Variants in NEXMIF observed in about 807,000 individuals in gnomAD.
The protein encoded by NEXMIF is neurite extension and migration factor.
Under a neutral mutation model 62.1 loss-of-function variants are expected in NEXMIF, and 8 were observed. The observed-to-expected ratio is 0.13, with a 90% CI of 0.08 to 0.23. NEXMIF has a LOEUF of 0.23. Among genes scored for constraint, NEXMIF ranks in the 10% least tolerant of loss-of-function variants. The probability of loss-of-function intolerance (pLI) is 1.00; values close to 1 mark genes in which losing one functional copy is unlikely to be tolerated. For synonymous variants in NEXMIF, 404 were observed against 416.6 expected (o/e 0.97, Z 0.37); for missense variants, 976 against 1,113.3 (o/e 0.88, Z 1.75).
At chrX:74,824,176 ATATTAT>A (rs957535566) in intron 1 of NEXMIF, among the ~76,000 whole-genome samples, 2 of 111,351 alleles carry the variant, frequency 1.8e-5, no homozygotes, top group African/African-American at 6.5e-5. Flanking sequence ...AATGCACAGT[ATATTAT>A]TATTAACTAT....
intron 1 of NEXMIF, among the ~76,000 whole-genome samples, chrX:74,870,146 T>C (rs2080595191): frequency 9.0e-6 from 1 of 111,253 alleles, no homozygotes; most frequent in African/African-American, 3.3e-5. Flanking sequence ...TGGAACAGAA[T>C]AGAGAACCTC....
intron 1 of NEXMIF, among the ~76,000 whole-genome samples, chrX:74,873,712 T>C (rs2080614565): frequency 8.9e-6 from 1 of 112,325 alleles, no homozygotes; most frequent in African/African-American, 3.2e-5. Context: ...GATCTCATTG[T>C]GGTTTTGATT....
At chrX:74,873,131 C>A (rs1031614859) in intron 1 of NEXMIF, among the ~76,000 whole-genome samples, 52 of 110,175 alleles carry the variant, frequency 4.7e-4, no homozygotes, top group African/African-American at 1.7e-3. Context: ...CCAATGCTAT[C>A]CCTCCCCCAT....
intron 1 of NEXMIF, among the ~76,000 whole-genome samples, chrX:74,751,482 G>C (rs1303017570): frequency 1.9e-5 from 2 of 107,577 alleles, no homozygotes; most frequent in Non-Finnish European, 3.9e-5. Flanking sequence ...TCTTCTCTCT[G>C]TCTCTCTCTC....
At chrX:74,922,312 T>C (rs1025640547) in intron 1 of NEXMIF, among the ~76,000 whole-genome samples, 2 of 101,187 alleles carry the variant, frequency 2.0e-5, no homozygotes, top group African/African-American at 7.4e-5. Context: ...CTGCAGTTGT[T>C]TGACTTTGGC....
chrX:74,905,801 C>T (rs2080766031), intron 1 of NEXMIF, among the ~76,000 whole-genome samples: 1 of 111,004 alleles, frequency 9.0e-6, no homozygotes, highest in Non-Finnish European at 1.9e-5. Context: ...CAGAGCGAGA[C>T]TCCATCTGTC....
intron 1 of NEXMIF, among the ~76,000 whole-genome samples, chrX:74,835,052 ATTCT>A (rs1220559482): frequency 3.6e-5 from 4 of 111,678 alleles, no homozygotes; most frequent in Admixed American, 9.5e-5. Context: ...AAGCTCACTA[ATTCT>A]TTCTTGTGCT....
chrX:74,794,379 A>T (rs2147466719), intron 1 of NEXMIF, among the ~76,000 whole-genome samples: 1 of 106,708 alleles, frequency 9.4e-6, no homozygotes, highest in African/African-American at 3.4e-5. Flanking sequence ...CTCTCTTCAA[A>T]GCTGTCAGAC....
chrX:74,877,262 G>T (rs918982423), intron 1 of NEXMIF, among the ~76,000 whole-genome samples: 1 of 110,821 alleles, frequency 9.0e-6, no homozygotes, highest in African/African-American at 3.3e-5. Flanking sequence ...GCTTAGTTTG[G>T]CTGGATATGA....
Position 74,786,459 on chromosome X carries a change from GGAA to G in NEXMIF, c.-47-40765_-47-40763del, listed in dbSNP as rs746403364. On this transcript the variant is annotated intron_variant, in intron 1 of 3. Transcript: ENST00000055682. The stretch of plus-strand genomic sequence containing the variant: ...ATGGAAGGGAATATCTAAAGAGAAA[GGAA>G]GAAGAGGCAGATCAATTACCTACAG... Among the ~76,000 whole-genome samples the G allele has an allele frequency of 1.0e-3, 116 of 111,323 alleles. 1 individual carries two copies. The highest frequency in any genetic ancestry group is 3.7e-3 in the African/African-American group (112 of 30,629).
At chrX:74,807,070 T>A (rs1332240151) in intron 1 of NEXMIF, among the ~76,000 whole-genome samples, 2 of 112,605 alleles carry the variant, frequency 1.8e-5, no homozygotes, top group Non-Finnish European at 3.7e-5. Context: ...TTTGTTGATA[T>A]CCACAAAATA....
chrX:74,794,477 G>T (rs1345122954), intron 1 of NEXMIF, among the ~76,000 whole-genome samples: 1 of 111,510 alleles, frequency 9.0e-6, no homozygotes, highest in African/African-American at 3.3e-5. Context: ...AGGCAGGCAG[G>T]CCTCCTTGAG....
At chrX:74,861,203 A>G (rs1602254288) in intron 1 of NEXMIF, among the ~76,000 whole-genome samples, 1 of 111,833 alleles carries the variant, frequency 8.9e-6, no homozygotes, top group East Asian at 2.8e-4. Flanking sequence ...TGCAACCACA[A>G]GTATCAGTAA....
chrX:74,744,930 C>CTCTCTCT (rs1556016953), intron 2 of NEXMIF, among the ~76,000 whole-genome samples: 1 of 86,564 alleles, frequency 1.2e-5, no homozygotes, highest in Non-Finnish European at 2.2e-5. Context: ...TTCTCTCTCT[C>CTCTCTCT]CTCTCTCTCT....
intron 1 of NEXMIF, among the ~76,000 whole-genome samples, chrX:74,859,206 G>A (rs1002185053): frequency 9.0e-6 from 1 of 111,068 alleles, no homozygotes; most frequent in African/African-American, 3.3e-5. Context: ...ATACCTCAAA[G>A]CATTTAGTCA....
At chrX:74,819,885 C>T (rs752315639) in intron 1 of NEXMIF, among the ~76,000 whole-genome samples, 57 of 111,827 alleles carry the variant, frequency 5.1e-4, no homozygotes, top group African/African-American at 1.7e-3. Flanking sequence ...GACACATGCA[C>T]ACATATGTTT....
intron 1 of NEXMIF, among the ~76,000 whole-genome samples, chrX:74,768,514 A>T (rs1487648599): frequency 8.9e-6 from 1 of 112,432 alleles, no homozygotes; most frequent in African/African-American, 3.2e-5. Context: ...AAAAGAGTGA[A>T]ATGAAATGTG....
chrX:74,893,997 T>C (rs1443035444), intron 1 of NEXMIF, among the ~76,000 whole-genome samples: 3 of 111,677 alleles, frequency 2.7e-5, no homozygotes, highest in Non-Finnish European at 3.8e-5. Context: ...CCAGACTAAC[T>C]GAGATAAAAA....
In NEXMIF at chrX:74,733,584, T is replaced by A. The variant is rs952951735; in HGVS notation, c.*5821A>T. 8.9e-6 allele frequency: 1 copy of A among 112,510 alleles called. No homozygotes were observed. The highest frequency in any genetic ancestry group is 3.2e-5 in the African/African-American group (1 of 30,907). The allele number at this position is 112,510 out of a possible 1,213,427, so 9.3% of individuals were successfully genotyped here. A position where few individuals can be genotyped will look rare whatever the true frequency, so the allele number is the denominator to read the frequency against. On this transcript the variant is annotated 3_prime_UTR_variant, in exon 4 of 4. Coordinates refer to ENST00000055682, the MANE Select transcript of NEXMIF (RefSeq NM_001008537.3). ...ATTCTAAAGCAGTATTTTAAACTTTTCTTTTTATTTATTTCATAAACAATA... is the reference window on the plus strand; with the variant it reads ...ATTCTAAAGCAGTATTTTAAACTTTACTTTTTATTTATTTCATAAACAATA...
Sources: allele counts gnomAD v4.1 joint callset (sites outside exome capture counted in the v4.1 genomes callset), GRCh38; gene constraint gnomAD v4.1.1; transcripts MANE v1.5; gene names NCBI Gene and HGNC (gene_info 2026-07-23, HGNC 2026-07-21).